The following DNAH12 variants were observed in gnomAD, a reference collection of about 807,000 sequenced individuals.
The protein encoded by DNAH12 is axonemal beta dynein heavy chain 12.
In DNAH12, 285 loss-of-function variants were observed where a neutral mutation model predicts 371.5. That is an observed-to-expected ratio of 0.77 (90% CI 0.70 to 0.85). The LOEUF (loss-of-function observed/expected upper bound fraction) is 0.85, where lower values mean the gene tolerates loss of function less well. Among genes scored for constraint, DNAH12 ranks in the 40% least tolerant of loss-of-function variants. The pLI, the probability that DNAH12 is intolerant of heterozygous loss-of-function variation, is 0.00. For synonymous variants in DNAH12, 1,200 were observed against 1,213.0 expected (o/e 0.99, Z 0.22); for missense variants, 3,611 against 3,689.4 (o/e 0.98, Z 0.55).
chr3:57,543,318 T>TTTTTTTG (rs2069379958), intron 1 of DNAH12, among the ~76,000 whole-genome samples: 1 of 77,394 alleles, frequency 1.3e-5, no homozygotes, highest in Non-Finnish European at 2.6e-5. Context: ...ATTAATGGTT[T>TTTTTTTG]TTTTTTTTTT....
chr3:57,312,508 C>T (rs2061602325), intron 66 of DNAH12, among the ~76,000 whole-genome samples: 1 of 152,214 alleles, frequency 6.6e-6, no homozygotes, highest in Non-Finnish European at 1.5e-5. Flanking sequence ...GCAGCCTGCT[C>T]ATACCAGGTG....
chr3:57,391,077 A>G (rs1200813622), intron 45 of DNAH12, among the ~76,000 whole-genome samples: 1 of 152,136 alleles, frequency 6.6e-6, no homozygotes, highest in African/African-American at 2.4e-5. Flanking sequence ...TTCTCTAATA[A>G]TGGTTCATTT....
chr3:57,445,994 AAAATAAATAAAT>A (rs372891308), intron 27 of DNAH12, 25 bp downstream of exon 27: 21 of 1,445,724 alleles, frequency 1.5e-5, no homozygotes, highest in African/African-American at 7.6e-5. Flanking sequence ...TCAAAAACAT[AAAATAAATAAAT>A]AAATAAATAA....
At chr3:57,317,165 G>A (rs1559548083) in intron 65 of DNAH12, among the ~76,000 whole-genome samples, 1 of 152,008 alleles carries the variant, frequency 6.6e-6, no homozygotes, top group Non-Finnish European at 1.5e-5. Flanking sequence ...GCTGTTGCGT[G>A]CAGTTGAACA....
chr3:57,431,165 C>T (rs2064944140), intron 32 of DNAH12, among the ~76,000 whole-genome samples: 1 of 152,160 alleles, frequency 6.6e-6, no homozygotes, highest in South Asian at 2.1e-4. Context: ...GCATTCTCCT[C>T]ACTGCCCTGT....
intron 60 of DNAH12, among the ~76,000 whole-genome samples, chr3:57,340,211 T>C (rs931507712): frequency 1.3e-5 from 2 of 151,748 alleles, no homozygotes; most frequent in Non-Finnish European, 2.9e-5. Flanking sequence ...AATGCCTACA[T>C]TAAAAACAGA....
Position 57,402,651 on chromosome 3 carries a change from G to A in DNAH12, c.6948+658C>T, listed in dbSNP as rs138914329. On this transcript the variant is annotated intron_variant, in intron 43 of 73. Transcript: ENST00000495027. ...CAAAAAAGTTGACCTCATGGAGGTAGAGAGTAGAAAGACACTTATCAGAGG... is the reference window on the plus strand; with the variant it reads ...CAAAAAAGTTGACCTCATGGAGGTAAAGAGTAGAAAGACACTTATCAGAGG... 2.8e-3 allele frequency among the ~76,000 whole-genome samples: 429 copies of A among 152,342 alleles called. 1 individual carries two copies. Among genetic ancestry groups the A allele is most frequent in the African/African-American group, 9.8e-3 (408 of 41,576 alleles).
chr3:57,369,219 T>TAAA lies in DNAH12; in HGVS notation c.8760-962_8760-960dup, dbSNP rs1169309910. Reference sequence around the variant, plus strand: ...TGGGCAACAAAGATTGAAACTCCATTAAAAAAAAAATATATATATATATAT... The same window carrying TAAA: ...TGGGCAACAAAGATTGAAACTCCATTAAAAAAAAAAAAATATATATATATATAT... On this transcript the variant is annotated intron_variant, in intron 55 of 73. Coordinates refer to ENST00000495027, the MANE Select transcript of DNAH12 (RefSeq NM_001366028.2). Among the ~76,000 whole-genome samples, 113 of 126,004 alleles carry TAAA rather than the reference T, an allele frequency of 9.0e-4. 1 individual carries two copies. The highest frequency in any genetic ancestry group is 3.0e-3 in the African/African-American group (99 of 32,700). The allele number at this position is 126,004 out of a possible 152,430, so 82.7% of individuals were successfully genotyped here.
intron 11 of DNAH12, among the ~76,000 whole-genome samples, chr3:57,492,332 T>C (rs1472248511): frequency 6.6e-6 from 1 of 151,794 alleles, no homozygotes; most frequent in Non-Finnish European, 1.5e-5. Context: ...TGGTGGTGCA[T>C]ACCTGTAATC....
intron 70 of DNAH12, among the ~76,000 whole-genome samples, chr3:57,298,791 T>C (rs1012295487): frequency 2.6e-5 from 4 of 152,230 alleles, no homozygotes; most frequent in East Asian, 1.9e-4. Context: ...TGGTCTCTTA[T>C]GGAACATCCC....
At position 57,403,614 on chromosome 3, in the gene DNAH12, T is replaced by C. The variant is rs1300785037; in HGVS notation, c.6756-113A>G. The C allele has an allele frequency of 4.2e-6, 4 of 952,948 alleles. No homozygotes were observed. The African/African-American group carries it at 5.0e-5, about 12-fold the overall frequency. 59.0% of individuals were successfully genotyped at this position (952,948 alleles called of 1,614,324 possible). ...GAATGTGACTCTGCTGTCCCATATG[T>C]TACTATCCCAATTTTAAAGAGTTTA... On this transcript the variant is annotated intron_variant, in intron 42 of 73. Transcript: ENST00000495027.
At position 57,319,743 on chromosome 3, in the gene DNAH12, AT is replaced by A. The variant is rs35617325; in HGVS notation, c.10524+2599del. On this transcript the variant is annotated intron_variant, in intron 65 of 73. Coordinates refer to ENST00000495027, the MANE Select transcript of DNAH12 (RefSeq NM_001366028.2). ...AGCCACATGCCACCACACCTTGCTA[AT>A]TTTTTTTTTTTTTGTATTTTTAGTA... Among the ~76,000 whole-genome samples, 279 of 143,246 alleles carry A rather than the reference AT, an allele frequency of 1.9e-3. 2 individuals are homozygous for A. Among genetic ancestry groups the A allele is most frequent in the Non-Finnish European group, 1.9e-3 (127 of 65,268 alleles). The allele number at this position is 143,246 out of a possible 152,430, so 94.0% of individuals were successfully genotyped here. A position where few individuals can be genotyped will look rare whatever the true frequency, so the allele number is the denominator to read the frequency against.
chr3:57,396,894 G>A (rs1228643093), intron 43 of DNAH12, among the ~76,000 whole-genome samples: 12 of 152,258 alleles, frequency 7.9e-5, no homozygotes, highest in African/African-American at 1.2e-4. Context: ...GTATGGTGAC[G>A]GGCACCTATA....
At chr3:57,471,003 G>A (rs957701077) in intron 15 of DNAH12, among the ~76,000 whole-genome samples, 4 of 152,064 alleles carry the variant, frequency 2.6e-5, no homozygotes, top group Admixed American at 1.3e-4. Flanking sequence ...CACTGCGCCT[G>A]GCCTATACAG....
chr3:57,466,978 C>T (rs957938546), intron 17 of DNAH12, among the ~76,000 whole-genome samples: 1 of 152,060 alleles, frequency 6.6e-6, no homozygotes, highest in African/African-American at 2.4e-5. Context: ...TGGTCTTGAA[C>T]TTCTGGCCTC....
intron 60 of DNAH12, among the ~76,000 whole-genome samples, chr3:57,348,039 C>G (rs2062584031): frequency 1.3e-5 from 2 of 152,120 alleles, no homozygotes; most frequent in Admixed American, 6.6e-5. Context: ...GAGTTGAAAA[C>G]TTATGTTCTC....
intron 51 of DNAH12, among the ~76,000 whole-genome samples, chr3:57,379,643 A>C (rs36141316): frequency 0.78 from 117,878 of 151,608 alleles, 46,411 homozygotes; most frequent in African/African-American, 0.87. Context: ...GAGTTCGAGG[A>C]CAGCCTGGCC....
intron 17 of DNAH12, among the ~76,000 whole-genome samples, chr3:57,465,309 T>C (rs1341580554): frequency 1.3e-5 from 2 of 152,174 alleles, no homozygotes; most frequent in Non-Finnish European, 2.9e-5. Flanking sequence ...AACGTCAGGC[T>C]AAATGGTTTC....
chr3:57,515,316 A>G (rs2068153482), intron 4 of DNAH12, among the ~76,000 whole-genome samples: 1 of 152,192 alleles, frequency 6.6e-6, no homozygotes, highest in Non-Finnish European at 1.5e-5. Context: ...AAAAGTATAT[A>G]TAGCATGATC....
Sources: allele counts gnomAD v4.1 joint callset (sites outside exome capture counted in the v4.1 genomes callset), GRCh38; gene constraint gnomAD v4.1.1; transcripts MANE v1.5; gene names NCBI Gene and HGNC (gene_info 2026-07-23, HGNC 2026-07-21).